The following TMEM259 variants were observed in gnomAD, a reference collection of about 807,000 sequenced individuals.
TMEM259 encodes transmembrane protein 259, also known as membralin.
A neutral mutation model predicts 46.7 loss-of-function variants in TMEM259; 26 were observed. The observed-to-expected ratio is 0.56, with a 90% CI of 0.41 to 0.77. The LOEUF is 0.77. Among genes scored for constraint, TMEM259 ranks in the 30% least tolerant of loss-of-function variants. TMEM259 has a pLI of 0.00. For synonymous variants in TMEM259, 494 were observed against 395.1 expected (o/e 1.25, Z -2.97); for missense variants, 930 against 900.5 (o/e 1.03, Z -0.42).
At position 1,014,320 on chromosome 19, in the gene TMEM259, G is replaced by C. The variant is rs1313381094; in HGVS notation, c.379C>G (p.Gln127Glu). Residue 127 changes from glutamine (Q) to glutamate (E), a missense_variant, in exon 2 of 11, where the codon CAG (glutamine) becomes GAG (glutamate). Physicochemically the swap from Gln to Glu is conservative, Grantham distance 29. Coordinates refer to ENST00000356663, the MANE Select transcript of TMEM259 (RefSeq NM_001033026.2). ...HNSSRAPVFL[Q>E]FCDSGGRGSF... is the part of the protein sequence containing the mutation. ...CCGCGGCCGCCGCTGTCACAGAACT[G>C]TAGGAAGACGGGCGCGCGGCTCGAG... 1 of 1,613,132 alleles carries C rather than the reference G, an allele frequency of 6.2e-7. No individual in the cohort carries two copies. Among genetic ancestry groups the C allele is most frequent in the South Asian group, 1.1e-5 (1 of 91,082 alleles).
Position 1,010,617 on chromosome 19 carries a change from T to C in TMEM259, c.1596A>G (p.Ala532=). 3 of 1,548,764 alleles carry C rather than the reference T, an allele frequency of 1.9e-6. No individual in the cohort carries two copies. The highest frequency in any genetic ancestry group is 2.6e-6 in the Non-Finnish European group (3 of 1,149,390). ...SLVAAAASVA[A]AAGGDLGWMA... Reference sequence around the variant, plus strand: ...TCCAACCCAGGTCACCACCGGCAGCTGCTGCCACTGAGGCTGCCGCGGCCA... The same window carrying C: ...TCCAACCCAGGTCACCACCGGCAGCCGCTGCCACTGAGGCTGCCGCGGCCA... Residue 532 remains alanine (A), a synonymous_variant, in exon 11 of 11, where the codon GCA becomes GCG. Transcript: ENST00000356663.
In TMEM259 at chr19:1,020,781, C is replaced by G. The variant is rs2039267885; in HGVS notation, c.216G>C (p.Val72=). 9 of 1,342,178 alleles carry G rather than the reference C, an allele frequency of 6.7e-6. No homozygotes were observed. The highest frequency in any genetic ancestry group is 3.7e-5 in the Admixed American group (1 of 27,206). The allele number at this position is 1,342,178 out of a possible 1,614,324, so 83.1% of individuals were successfully genotyped here. ...TCGGGGCCGCGGTCACCTTGAGCAG[C>G]ACGAAGAACTCGAAGAGACGGCGGA... is the stretch of plus-strand genomic sequence containing the variant. ...PAFRRLFEFF[V]LLKALFVLFV... The change falls in exon 1 of 11, where the codon GTG becomes GTC. Residue 72 remains valine (V), a synonymous_variant. Coordinates refer to ENST00000356663, the MANE Select transcript of TMEM259 (RefSeq NM_001033026.2). This position sits in a 1 kb window ranked among gnomAD's most constrained non-coding sequence, Gnocchi z 4.0.
chr19:1,018,496 C>G (rs1259543452), intron 1 of TMEM259, among the ~76,000 whole-genome samples: 2 of 152,160 alleles, frequency 1.3e-5, no homozygotes, highest in Non-Finnish European at 2.9e-5. Flanking sequence ...AGGGATCATA[C>G]CAGGGAGGAC....
intron 3 of TMEM259, 130 bp from the exon 4 acceptor site, chr19:1,012,703 G>C: frequency 8.0e-7 from 1 of 1,255,856 alleles, no homozygotes. Flanking sequence ...TGGGTGCTGG[G>C]AGGACCCCTA....
chr19:1,011,859 G>T, intron 6 of TMEM259, 33 bp downstream of exon 6: 2 of 1,499,102 alleles, frequency 1.3e-6, no homozygotes, highest in Non-Finnish European at 1.8e-6. Flanking sequence ...GCTCCCGCCC[G>T]GCCAGCCCCC....
At chr19:1,012,925 G>A (rs2145578658) in intron 3 of TMEM259, among the ~76,000 whole-genome samples, 1 of 152,310 alleles carries the variant, frequency 6.6e-6, no homozygotes, top group Non-Finnish European at 1.5e-5. Flanking sequence ...ATGGGCAGGG[G>A]TGGGGGCGGG....
Position 1,020,371 on chromosome 19 carries a change from G to C in TMEM259, c.225+401C>G, listed in dbSNP as rs1367600554. Among the ~76,000 whole-genome samples the C allele has an allele frequency of 1.3e-5, 2 of 152,022 alleles. No individual in the cohort carries two copies. Among genetic ancestry groups the C allele is most frequent in the Non-Finnish European group, 2.9e-5 (2 of 67,980 alleles). ...TGAGGGTCTCAGGCGGCACAGTCAG[G>C]GGTCAAAGGGCGGGAGGTGCTACCT... On this transcript the variant is annotated intron_variant, in intron 1 of 10. Transcript: ENST00000356663. This position sits in a 1 kb window ranked among gnomAD's most constrained non-coding sequence, Gnocchi z 4.0.
In TMEM259 at chr19:1,011,153, G is replaced by A. The variant is rs1250262276; in HGVS notation, c.1260C>T (p.Tyr420=). The part of the protein sequence containing the change: ...LYHFAFYAYH[Y]RFNGQYSSLA... Reference sequence around the variant, plus strand: ...GGCTGCTATACTGCCCATTGAAGCGGTAGTGATAGGCATAGAAGGCGAAGT... The same window carrying A: ...GGCTGCTATACTGCCCATTGAAGCGATAGTGATAGGCATAGAAGGCGAAGT... The change falls in exon 10 of 11, where the codon TAC becomes TAT. Residue 420 remains tyrosine (Y), a synonymous_variant. Transcript: ENST00000356663. 4 of 1,605,560 alleles carry A rather than the reference G, an allele frequency of 2.5e-6. No individual in the cohort carries two copies. Among genetic ancestry groups the A allele is most frequent in the Admixed American group, 3.4e-5 (2 of 59,330 alleles).
In TMEM259 at chr19:1,011,922, G is replaced by A. The variant is rs767887576; in HGVS notation, c.912C>T (p.Tyr304=). The change falls in exon 6 of 11, where the codon TAC becomes TAT. Residue 304 remains tyrosine (Y), a synonymous_variant. Transcript: ENST00000356663. ...FVSMWMARTS[Y]LAAFAIMVIF... ...TGACCATGATGGCGAAGGCGGCCAG[G>A]TAGGACGTCCGCGCCATCCACATGC... 1 of 1,611,324 alleles carries A rather than the reference G, an allele frequency of 6.2e-7. No individual in the cohort carries two copies. Among genetic ancestry groups the A allele is most frequent in the South Asian group, 1.1e-5 (1 of 91,060 alleles).
chr19:1,012,079 G>A lies in TMEM259; in HGVS notation c.828C>T (p.Asn276=), dbSNP rs373045338. 1.1e-5 allele frequency: 18 copies of A among 1,612,126 alleles called. No homozygotes were observed. The highest frequency in any genetic ancestry group is 1.6e-4 in the Middle Eastern group (1 of 6,084). ...GGCATGCCTCACCCTTGTTCTCCTC[G>A]TTCTCGGCCAGGCCCTTCACGCTGG... The part of the protein sequence containing the change: ...LMSSVKGLAE[N]EENKGFLRNV... The change falls in exon 5 of 11, where the codon AAC becomes AAT. Residue 276 remains asparagine (N), a synonymous_variant. Transcript: ENST00000356663.
rs1037902798 is a variant in TMEM259, at chr19:1,020,266, G to A, written c.225+506C>T. On this transcript the variant is annotated intron_variant, in intron 1 of 10. Coordinates refer to ENST00000356663, the MANE Select transcript of TMEM259 (RefSeq NM_001033026.2). The surrounding 1 kb of genome is among the most constrained non-coding windows in gnomAD (Gnocchi z 4.0). ...AGGGGAGTGGGGAGTCGACTTCCAGGACAGGGGTTGGTCCGAGGGAGACCT... is the reference window on the plus strand; with the variant it reads ...AGGGGAGTGGGGAGTCGACTTCCAGAACAGGGGTTGGTCCGAGGGAGACCT... 5.3e-5 allele frequency among the ~76,000 whole-genome samples: 8 copies of A among 152,020 alleles called. No homozygotes were observed. The highest frequency in any genetic ancestry group is 1.9e-4 in the African/African-American group (8 of 41,350).
intron 1 of TMEM259, among the ~76,000 whole-genome samples, chr19:1,015,566 C>A (rs1179108038): frequency 3.3e-5 from 5 of 152,226 alleles, no homozygotes; most frequent in Non-Finnish European, 5.9e-5. Context: ...ACCCCCGAGC[C>A]TGGTGAGGGT....
intron 4 of TMEM259, 75 bp downstream of exon 4, chr19:1,012,388 A>C: frequency 1.3e-6 from 2 of 1,522,890 alleles, no homozygotes; most frequent in Middle Eastern, 1.8e-4. Context: ...CCCGTCCCGC[A>C]CCAGCAGGAG....
chr19:1,013,348 C>T lies in TMEM259; in HGVS notation c.508-8G>A, dbSNP rs112496473. ...CTCGATGTCCAGCTCAAACTGTGGG[C>T]GACCAGGGACCTGGGTGTCAGCAGC... On this transcript the variant is annotated splice_polypyrimidine_tract_variant and splice_region_variant and intron_variant, in intron 2 of 10. Coordinates refer to ENST00000356663, the MANE Select transcript of TMEM259 (RefSeq NM_001033026.2). The T allele has an allele frequency of 2.4e-5, 39 of 1,612,934 alleles. No homozygotes were observed. The highest frequency in any genetic ancestry group is 9.3e-5 in the African/African-American group (7 of 75,034).
Position 1,020,916 on chromosome 19 carries a change from AG to A in TMEM259, c.80del (p.Pro27LeufsTer132). The A allele has an allele frequency of 7.9e-7, 1 of 1,270,748 alleles. No homozygotes were observed. The highest frequency in any genetic ancestry group is 9.9e-7 in the Non-Finnish European group (1 of 1,007,190). The allele number at this position is 1,270,748 out of a possible 1,614,324, so 78.7% of individuals were successfully genotyped here. A position where few individuals can be genotyped will look rare whatever the true frequency, so the allele number is the denominator to read the frequency against. ...GGGGPAPARG[P>X]RTPNLNPNPL... is the part of the protein sequence containing the mutation. ...GGTTGGGGTTGAGATTGGGGGTGCGAGGCCCGCGCGCGGGGGCCGGGCCGCC... is the reference window on the plus strand; with the variant it reads ...GGTTGGGGTTGAGATTGGGGGTGCGAGCCCGCGCGCGGGGGCCGGGCCGCC... On this transcript the variant is annotated frameshift_variant, in exon 1 of 11. Transcript: ENST00000356663. LOFTEE classifies it high-confidence loss of function. This position sits in a 1 kb window ranked among gnomAD's most constrained non-coding sequence, Gnocchi z 4.0.
chr19:1,010,824 C>G lies in TMEM259; in HGVS notation c.1389G>C (p.Met463Ile). 2.5e-6 allele frequency: 4 copies of G among 1,589,134 alleles called. No homozygotes were observed. The highest frequency in any genetic ancestry group is 3.4e-6 in the Non-Finnish European group (4 of 1,175,764). Residue 463 changes from methionine to isoleucine, a missense_variant, in exon 11 of 11, where the codon ATG (methionine) becomes ATC (isoleucine). Physicochemically the swap from Met to Ile is conservative, Grantham distance 10. Transcript: ENST00000356663. The stretch of plus-strand genomic sequence containing the variant: ...GGCCCAGTGGCGGCGCCTGAAGCAG[C>G]ATCTCCTGGATGCGGACCTGCTGCA... Reference protein sequence around the residue: ...AILQQVRIQEMLLQAPPLGPG... With the variant: ...AILQQVRIQEILLQAPPLGPG...
Position 1,012,204 on chromosome 19 carries a change from T to C in TMEM259, c.719-16A>G. On this transcript the variant is annotated splice_polypyrimidine_tract_variant and intron_variant, in intron 4 of 10. Transcript: ENST00000356663. ...CGCGTGGGGTCTGCGGGTGGGTGAA[T>C]CAGGGAGCCGGGAGCCCCGCCCAGG... is the stretch of plus-strand genomic sequence containing the variant. 1 of 1,589,830 alleles carries C rather than the reference T, an allele frequency of 6.3e-7. No homozygotes were observed. Among genetic ancestry groups the C allele is most frequent in the Non-Finnish European group, 8.6e-7 (1 of 1,169,424 alleles).
chr19:1,021,120 T>C lies in TMEM259; in HGVS notation c.-124A>G. Reference sequence around the variant, plus strand: ...CGGCCGCCGCCGCCATCTTCCGCTTTCTCGTCCGGCTGCGGCGCTGCTGAC... The same window carrying C: ...CGGCCGCCGCCGCCATCTTCCGCTTCCTCGTCCGGCTGCGGCGCTGCTGAC... On this transcript the variant is annotated 5_prime_UTR_variant, in exon 1 of 11. Coordinates refer to ENST00000356663, the MANE Select transcript of TMEM259 (RefSeq NM_001033026.2). 9 of 1,100,730 alleles carry C rather than the reference T, an allele frequency of 8.2e-6. No individual in the cohort carries two copies. The highest frequency in any genetic ancestry group is 1.0e-5 in the Non-Finnish European group (9 of 875,378). 68.2% of individuals were successfully genotyped at this position (1,100,730 alleles called of 1,614,324 possible). A position where few individuals can be genotyped will look rare whatever the true frequency, so the allele number is the denominator to read the frequency against.
intron 1 of TMEM259, among the ~76,000 whole-genome samples, chr19:1,017,650 G>A (rs1163249289): frequency 3.0e-4 from 45 of 152,128 alleles, no homozygotes; most frequent in Admixed American, 2.8e-3. Context: ...TGTTCTGGCC[G>A]AGGCTCTCAG....
Sources: gnomAD v4.1 joint callset for allele counts (sites outside exome capture counted in the v4.1 genomes callset) on GRCh38, gnomAD v4.1.1 for gene constraint, Gnocchi (gnomAD v3.1) non-coding constraint, MANE v1.5 for transcripts, NCBI Gene and HGNC (gene_info 2026-07-23, HGNC 2026-07-21) for gene names.